The following RALGPS2 variants were observed in gnomAD, a reference collection of about 807,000 sequenced individuals.
RALGPS2 encodes the protein ras-specific guanine nucleotide-releasing factor RalGPS2.
Under a neutral mutation model 86.8 loss-of-function variants are expected in RALGPS2, and 43 were observed. The observed-to-expected ratio is 0.50, with a 90% CI of 0.39 to 0.64. The LOEUF (loss-of-function observed/expected upper bound fraction) is 0.64, where lower values mean the gene tolerates loss of function less well. Ranked by LOEUF, RALGPS2 falls within the 30% of genes least tolerant of loss-of-function variation. The probability of loss-of-function intolerance (pLI) is 0.00; values close to 1 mark genes in which losing one functional copy is unlikely to be tolerated. For missense variants in RALGPS2, 536 were observed against 694.6 expected (o/e 0.77, Z 2.57); for synonymous variants, 243 against 231.3 (o/e 1.05, Z -0.46).
chr1:178,803,418 C>T (rs1025845532), intron 4 of RALGPS2, among the ~76,000 whole-genome samples: 1 of 148,744 alleles, frequency 6.7e-6, no homozygotes, highest in African/African-American at 2.4e-5. Context: ...TGGCTAAAAA[C>T]GAATTCAGTT....
At chr1:178,878,129 G>A (rs2102364765) in intron 9 of RALGPS2, among the ~76,000 whole-genome samples, 1 of 152,198 alleles carries the variant, frequency 6.6e-6, no homozygotes, top group South Asian at 2.1e-4. Context: ...TCTTGAGTCA[G>A]ACTATCGAGT....
chr1:178,869,829 G>A (rs1658639185), intron 8 of RALGPS2, among the ~76,000 whole-genome samples: 1 of 152,008 alleles, frequency 6.6e-6, no homozygotes, highest in African/African-American at 2.4e-5. Flanking sequence ...CATACTATTG[G>A]TAACGAGTAA....
At chr1:178,806,535 CTT>C (rs1249040516) in intron 4 of RALGPS2, among the ~76,000 whole-genome samples, 3 of 152,190 alleles carry the variant, frequency 2.0e-5, no homozygotes, top group South Asian at 4.2e-4. Context: ...CTATCATTAA[CTT>C]TTTGTTTAAA....
At chr1:178,900,190 A>G (rs960421611) in intron 17 of RALGPS2, among the ~76,000 whole-genome samples, 2 of 151,982 alleles carry the variant, frequency 1.3e-5, no homozygotes, top group Non-Finnish European at 2.9e-5. Flanking sequence ...GGAGGAGAAA[A>G]AAAATCATAG....
chr1:178,791,513 A>G (rs1439499807), intron 4 of RALGPS2, among the ~76,000 whole-genome samples: 2 of 152,180 alleles, frequency 1.3e-5, no homozygotes, highest in Non-Finnish European at 2.9e-5. Flanking sequence ...AATATGAACT[A>G]AATTTCAATT....
intron 1 of RALGPS2, among the ~76,000 whole-genome samples, chr1:178,728,897 A>G (rs1650182087): frequency 6.6e-6 from 1 of 152,210 alleles, no homozygotes; most frequent in Admixed American, 6.5e-5. Context: ...GAAAGAAAAA[A>G]GTTTGAATAT....
At chr1:178,746,667 T>C (rs186698005) in intron 1 of RALGPS2, 6 of 771,142 alleles carry the variant, frequency 7.8e-6, no homozygotes, top group African/African-American at 6.8e-5. Flanking sequence ...TGCAGAATAT[T>C]CTCAAGTCAT....
At chr1:178,884,966 T>TAG (rs1234222753) in intron 11 of RALGPS2, 110 bp from the exon 12 acceptor site, 2 of 1,065,180 alleles carry the variant, frequency 1.9e-6, no homozygotes, top group Admixed American at 3.4e-5. Flanking sequence ...GCCAATTAAA[T>TAG]AGAACTAACA....
chr1:178,844,853 T>C (rs995015010), intron 8 of RALGPS2, among the ~76,000 whole-genome samples: 3 of 152,166 alleles, frequency 2.0e-5, no homozygotes, highest in Admixed American at 6.6e-5. Flanking sequence ...ATTTCTACTT[T>C]ATGTACTACA....
intron 6 of RALGPS2, among the ~76,000 whole-genome samples, chr1:178,813,425 A>G (rs768664408): frequency 6.6e-6 from 1 of 152,182 alleles, no homozygotes; most frequent in Admixed American, 6.5e-5. Flanking sequence ...TTTTGACAGC[A>G]CTTGCCTTCA....
intron 1 of RALGPS2, among the ~76,000 whole-genome samples, chr1:178,754,553 T>TTA (rs1416317031): frequency 6.6e-6 from 1 of 152,186 alleles, no homozygotes; most frequent in Non-Finnish European, 1.5e-5. Context: ...GAGTTCCCTC[T>TTA]TACAGCCTTT....
chr1:178,808,068 T>G lies in RALGPS2; in HGVS notation c.237T>G (p.Asn79Lys). The stretch of plus-strand genomic sequence containing the variant: ...AGGAGCTTTCAAGTTGTGGATGGAA[T>G]AAAAAAGAAAAATATAGTTCTGCAC... ...QPDELSSCGW[N>K]KKEKYSSAPN... Residue 79 changes from asparagine (N) to lysine (K), a missense_variant, in exon 5 of 20, where the codon AAT becomes AAG. This residue lies in a region of RALGPS2 where 184 missense variants were observed against 296.7 expected (regional missense o/e 0.62). Coordinates refer to ENST00000367635, the MANE Select transcript of RALGPS2 (RefSeq NM_152663.5). The G allele has an allele frequency of 6.2e-7, 1 of 1,610,094 alleles. No homozygotes were observed. The highest frequency in any genetic ancestry group is 8.5e-7 in the Non-Finnish European group (1 of 1,177,010).
intron 1 of RALGPS2, among the ~76,000 whole-genome samples, chr1:178,762,647 G>C (rs1652302475): frequency 6.6e-6 from 1 of 152,004 alleles, no homozygotes; most frequent in Admixed American, 6.6e-5. Flanking sequence ...CCCATATTTA[G>C]GTCTTTTGAG....
chr1:178,776,797 C>T lies in RALGPS2; in HGVS notation c.33C>T (p.Val11=). 5 of 1,612,956 alleles carry T rather than the reference C, an allele frequency of 3.1e-6. No individual in the cohort carries two copies. Among genetic ancestry groups the T allele is most frequent in the Non-Finnish European group, 4.2e-6 (5 of 1,179,410 alleles). The change falls in exon 2 of 20, where the codon GTC becomes GTT. Residue 11 remains valine (V), a synonymous_variant. Coordinates refer to ENST00000367635, the MANE Select transcript of RALGPS2 (RefSeq NM_152663.5). MDLMNGQASS[V]NIAATASEKS... ...TAATGAACGGGCAGGCAAGCAGTGT[C>T]AATATTGCAGCTACTGCTTCTGAGG... is the stretch of plus-strand genomic sequence containing the variant.
intron 8 of RALGPS2, chr1:178,865,751 C>G (rs1385530954): frequency 6.2e-7 from 1 of 1,606,640 alleles, no homozygotes; most frequent in Non-Finnish European, 8.5e-7. Context: ...GAATAGCACA[C>G]CTAGGGTCCA....
intron 18 of RALGPS2, among the ~76,000 whole-genome samples, chr1:178,904,430 C>G (rs955831364): frequency 9.2e-5 from 14 of 152,126 alleles, no homozygotes; most frequent in Admixed American, 3.3e-4. Context: ...CTTGCCTAAG[C>G]CAATGTCTAG....
At chr1:178,876,390 T>A (rs1416061379) in intron 8 of RALGPS2, among the ~76,000 whole-genome samples, 3 of 152,138 alleles carry the variant, frequency 2.0e-5, no homozygotes, top group Non-Finnish European at 4.4e-5. Flanking sequence ...ATTAGACAGG[T>A]CCCTTTACTA....
chr1:178,909,258 C>T (rs969225643), intron 19 of RALGPS2, among the ~76,000 whole-genome samples: 1 of 151,898 alleles, frequency 6.6e-6, no homozygotes, highest in African/African-American at 2.4e-5. Context: ...TCCATTGGTT[C>T]TATCCTGTTC....
At chr1:178,899,967 A>G (rs1660101316) in intron 17 of RALGPS2, among the ~76,000 whole-genome samples, 6 of 151,996 alleles carry the variant, frequency 3.9e-5, no homozygotes, top group Admixed American at 3.9e-4. Context: ...TTTCTTAGAA[A>G]TGACAATTAC....
Sources: allele counts gnomAD v4.1 joint callset (sites outside exome capture counted in the v4.1 genomes callset), GRCh38; gene constraint gnomAD v4.1.1; regional missense constraint gnomAD v4.1.1; transcripts MANE v1.5; gene names NCBI Gene and HGNC (gene_info 2026-07-23, HGNC 2026-07-21).